Variants in ANKRD50 observed in about 807,000 individuals in gnomAD.
ANKRD50 encodes the protein ankyrin repeat domain 50, also known as ankyrin repeat domain-containing protein 50.
Under a neutral mutation model 112.0 loss-of-function variants are expected in ANKRD50, and 40 were observed. The observed-to-expected ratio is 0.36, with a 90% CI of 0.28 to 0.46. ANKRD50 has a LOEUF of 0.46. Among genes scored for constraint, ANKRD50 ranks in the 20% least tolerant of loss-of-function variants. ANKRD50 has a pLI of 1.00. For missense variants in ANKRD50, 1,487 were observed against 1,701.7 expected, an observed-to-expected ratio of 0.87 and a Z score of 2.22; for synonymous variants, 613 against 619.1, an observed-to-expected ratio of 0.99 and a Z score of 0.15.
At position 124,670,391 on chromosome 4, in the gene ANKRD50, G is replaced by A. The variant is rs777200845; in HGVS notation, c.2886C>T (p.Ala962=). The change falls in exon 4 of 5, where the codon GCC becomes GCT. Residue 962 remains alanine, a synonymous_variant. Transcript: ENST00000504087. ...TTGCACCATTTTCTAAAAAATATTC[G>A]GCCATTGTAAGCTGATTTTCTAAGG... ...ILALENQLTM[A]EYFLENGANV... The A allele has an allele frequency of 1.5e-5, 24 of 1,613,584 alleles. No individual in the cohort carries two copies. Among genetic ancestry groups the A allele is most frequent in the South Asian group, 3.3e-5 (3 of 91,052 alleles).
intron 3 of ANKRD50, among the ~76,000 whole-genome samples, chr4:124,676,904 TAA>T (rs767788732): frequency 1.8e-3 from 279 of 151,578 alleles, no homozygotes; most frequent in Non-Finnish European, 3.0e-3. Flanking sequence ...ATTGATGAAA[TAA>T]GCATAAGGGA....
In ANKRD50 at chr4:124,710,061, C is replaced by G. The variant is rs1180185654; in HGVS notation, c.451G>C (p.Ala151Pro). Residue 151 changes from alanine (A) to proline (P), a missense_variant, in exon 2 of 5, where the codon GCA becomes CCA. Ala to Pro is a conservative substitution (Grantham distance 27, BLOSUM62 -1). Around this residue, in one of 2 missense-constraint regions of ANKRD50, gnomAD observed 1,046 missense variants for 1,269.5 expected, o/e 0.82. Coordinates refer to ENST00000504087, the MANE Select transcript of ANKRD50 (RefSeq NM_020337.3). ...CCAGGCTGTAAGAGGCTTTGGACTG[C>G]TGGATCCCTTAGCTTGTCCTCATAT... ...QGYEDKLRDP[A>P]VQSLLQPGEC... The G allele has an allele frequency of 1.2e-6, 2 of 1,614,148 alleles. No individual in the cohort carries two copies. Among genetic ancestry groups the G allele is most frequent in the Non-Finnish European group, 1.7e-6 (2 of 1,180,026 alleles).
At position 124,699,915 on chromosome 4, in the gene ANKRD50, C is replaced by T. The variant is rs114126310; in HGVS notation, c.512+10085G>A. ...TCAAGAAATAATTACTAAGTTCCTACTGTATTATAAGCCCTGGATACAAAG... is the reference window on the plus strand; with the variant it reads ...TCAAGAAATAATTACTAAGTTCCTATTGTATTATAAGCCCTGGATACAAAG... On this transcript the variant is annotated intron_variant, in intron 2 of 4. Coordinates refer to ENST00000504087, the MANE Select transcript of ANKRD50 (RefSeq NM_020337.3). Among the ~76,000 whole-genome samples, 1,098 of 152,030 alleles carry T rather than the reference C, an allele frequency of 7.2e-3. 18 individuals are homozygous for T. Among genetic ancestry groups the T allele is most frequent in the African/African-American group, 0.024 (1,007 of 41,406 alleles).
At chr4:124,706,528 C>T (rs1495128) in intron 2 of ANKRD50, among the ~76,000 whole-genome samples, 149,242 of 152,178 alleles carry the variant, frequency 0.98, 73,253 homozygotes, top group East Asian at 1. Flanking sequence ...AGCTAAGAAG[C>T]AAACTGAAGA....
rs762523193 is a variant in ANKRD50, at chr4:124,672,118, G to A, written c.1159C>T (p.Arg387Cys). The change falls in exon 4 of 5, where the codon CGC becomes TGC. Residue 387 changes from arginine (R) to cysteine (C), a missense_variant. By Grantham distance (180) the Arg-to-Cys change is radical (BLOSUM62 -3). Around this residue, in one of 2 missense-constraint regions of ANKRD50, gnomAD observed 1,046 missense variants for 1,269.5 expected, o/e 0.82. Coordinates refer to ENST00000504087, the MANE Select transcript of ANKRD50 (RefSeq NM_020337.3). ...AGTTTGGAGAGGATATCTAACTTGCGTTGAAAATCTTCCAAAGTTAACGAC... is the reference window on the plus strand; with the variant it reads ...AGTTTGGAGAGGATATCTAACTTGCATTGAAAATCTTCCAAAGTTAACGAC... Reference protein sequence around the residue: ...NMSLTLEDFQRKLDILSKLLV... With the variant: ...NMSLTLEDFQCKLDILSKLLV... The A allele has an allele frequency of 1.2e-5, 20 of 1,613,718 alleles. No homozygotes were observed. The highest frequency in any genetic ancestry group is 2.2e-5 in the East Asian group (1 of 44,866).
chr4:124,709,964 A>G, intron 2 of ANKRD50, 36 bp downstream of exon 2: 1 of 1,563,456 alleles, frequency 6.4e-7, no homozygotes, highest in Non-Finnish European at 8.6e-7. Flanking sequence ...TAATTTCAGC[A>G]TAGAAATCTG....
intron 3 of ANKRD50, among the ~76,000 whole-genome samples, chr4:124,675,763 T>C (rs1262921225): frequency 6.6e-6 from 1 of 151,788 alleles, no homozygotes; most frequent in Non-Finnish European, 1.5e-5. Context: ...ACAAAATGTT[T>C]TGAAATAGGC....
chr4:124,689,631 T>A (rs750305523), intron 2 of ANKRD50, among the ~76,000 whole-genome samples: 2 of 152,132 alleles, frequency 1.3e-5, no homozygotes, highest in Admixed American at 6.5e-5. Context: ...AAAAATCAGC[T>A]CTTCTTGGGT....
intron 2 of ANKRD50, among the ~76,000 whole-genome samples, chr4:124,683,343 C>T (rs180728524): frequency 1.1e-4 from 17 of 151,244 alleles, no homozygotes; most frequent in East Asian, 5.8e-4. Context: ...TTTGGGGGTA[C>T]GAAATATGTG....
chr4:124,687,194 A>T (rs964343167), intron 2 of ANKRD50, among the ~76,000 whole-genome samples: 1 of 152,228 alleles, frequency 6.6e-6, no homozygotes, highest in Non-Finnish European at 1.5e-5. Flanking sequence ...AGAGCAGCAT[A>T]AATATAGGAA....
rs1730514882 is a variant in ANKRD50, at chr4:124,667,210, T to G, written c.*308A>C. 1 of 152,090 alleles carries G rather than the reference T, an allele frequency of 6.6e-6. No homozygotes were observed. Among genetic ancestry groups the G allele is most frequent in the South Asian group, 2.1e-4 (1 of 4,832 alleles). 9.4% of individuals were successfully genotyped at this position (152,090 alleles called of 1,614,324 possible). Reference sequence around the variant, plus strand: ...GCACATTTTTTATCACATCTTAACTTAAAATACTCAAATTTTCTTTTCAGC... The same window carrying G: ...GCACATTTTTTATCACATCTTAACTGAAAATACTCAAATTTTCTTTTCAGC... On this transcript the variant is annotated 3_prime_UTR_variant, in exon 5 of 5. Transcript: ENST00000504087.
intron 2 of ANKRD50, among the ~76,000 whole-genome samples, chr4:124,697,456 T>A (rs943492926): frequency 6.6e-6 from 1 of 152,174 alleles, no homozygotes; most frequent in Non-Finnish European, 1.5e-5. Context: ...TAGATTAATA[T>A]GTTTCTCTTT....
chr4:124,685,665 G>A (rs1560825107), intron 2 of ANKRD50, among the ~76,000 whole-genome samples: 1 of 152,114 alleles, frequency 6.6e-6, no homozygotes, highest in Non-Finnish European at 1.5e-5. Flanking sequence ...CAACGGTATT[G>A]TACAGGGTTT....
chr4:124,698,597 C>A (rs1725309505), intron 2 of ANKRD50, among the ~76,000 whole-genome samples: 2 of 151,912 alleles, frequency 1.3e-5, no homozygotes, highest in East Asian at 3.9e-4. Flanking sequence ...ACTCTGAGAA[C>A]TTTCCAAGGG....
intron 2 of ANKRD50, among the ~76,000 whole-genome samples, chr4:124,685,405 C>G (rs75742707): frequency 0.052 from 7,891 of 152,190 alleles, 283 homozygotes; most frequent in East Asian, 0.14. Flanking sequence ...TCAAAAGCAC[C>G]TATTTGGGGA....
intron 2 of ANKRD50, among the ~76,000 whole-genome samples, chr4:124,687,115 T>G (rs999054087): frequency 2.0e-5 from 3 of 152,136 alleles, no homozygotes; most frequent in African/African-American, 7.2e-5. Flanking sequence ...GATTTACTAT[T>G]AAAGCTAGTG....
intron 2 of ANKRD50, among the ~76,000 whole-genome samples, chr4:124,701,542 A>C (rs1394830505): frequency 1.4e-5 from 2 of 144,660 alleles, no homozygotes; most frequent in African/African-American, 5.3e-5. Context: ...AGTAGAAAGA[A>C]AATGGCATTA....
At chr4:124,685,658 C>T (rs538417398) in intron 2 of ANKRD50, among the ~76,000 whole-genome samples, 15 of 152,162 alleles carry the variant, frequency 9.9e-5, no homozygotes, top group South Asian at 8.3e-4. Flanking sequence ...TTAAAAGCAA[C>T]GGTATTGTAC....
In ANKRD50 at chr4:124,678,895, G is replaced by A; in HGVS notation, c.523C>T (p.Leu175Phe). The A allele has an allele frequency of 6.2e-7, 1 of 1,609,362 alleles. No homozygotes were observed. Among genetic ancestry groups the A allele is most frequent in the Non-Finnish European group, 8.5e-7 (1 of 1,175,836 alleles). ...GGAGGCTTCATTCCCAGAAGAGGGAGTAGAACACACCTGTAAAACACATAC... is the reference window on the plus strand; with the variant it reads ...GGAGGCTTCATTCCCAGAAGAGGGAATAGAACACACCTGTAAAACACATAC... ...PAEAFKRCVL[L>F]PLLGMKPPQQ... The change falls in exon 3 of 5, where the codon CTC becomes TTC. Residue 175 changes from leucine (L) to phenylalanine (F), a missense_variant. Leu to Phe is a conservative substitution (Grantham distance 22). Coordinates refer to ENST00000504087, the MANE Select transcript of ANKRD50 (RefSeq NM_020337.3).
Sources: gnomAD v4.1 joint callset for allele counts (sites outside exome capture counted in the v4.1 genomes callset) on GRCh38, gnomAD v4.1.1 for gene constraint, gnomAD v4.1.1 regional missense constraint, MANE v1.5 for transcripts, NCBI Gene and HGNC (gene_info 2026-07-23, HGNC 2026-07-21) for gene names.